Variants in TTC39B observed in about 807,000 individuals in gnomAD.
TTC39B encodes the protein tetratricopeptide repeat protein 39B.
A neutral mutation model predicts 96.6 loss-of-function variants in TTC39B; 92 were observed. That is an observed-to-expected ratio of 0.95 (90% confidence interval 0.80 to 1.13). The LOEUF (loss-of-function observed/expected upper bound fraction) is 1.13, where lower values mean the gene tolerates loss of function less well. Among genes scored for constraint, TTC39B ranks in the 50% most tolerant of loss-of-function variants. The probability of loss-of-function intolerance (pLI) is 0.00; values close to 1 mark genes in which losing one functional copy is unlikely to be tolerated. For synonymous variants in TTC39B, 367 were observed against 299.4 expected (o/e 1.23, Z -2.33); for missense variants, 955 against 809.3 (o/e 1.18, Z -2.18).
intron 1 of TTC39B, among the ~76,000 whole-genome samples, chr9:15,296,196 G>A (rs545885246): frequency 2.0e-5 from 3 of 152,292 alleles, no homozygotes; most frequent in East Asian, 1.9e-4. Flanking sequence ...CACGAGCACC[G>A]TGGCTCAAGT....
At chr9:15,287,507 T>C (rs1563790407) in intron 1 of TTC39B, among the ~76,000 whole-genome samples, 1 of 152,166 alleles carries the variant, frequency 6.6e-6, no homozygotes, top group Non-Finnish European at 1.5e-5. Flanking sequence ...TGTCCCTCTG[T>C]CTTAAAATGT....
At chr9:15,282,167 C>T (rs1823791989) in intron 1 of TTC39B, among the ~76,000 whole-genome samples, 1 of 152,152 alleles carries the variant, frequency 6.6e-6, no homozygotes, top group Non-Finnish European at 1.5e-5. Flanking sequence ...AACATAGACA[C>T]TTACTCAAAA....
intron 2 of TTC39B, among the ~76,000 whole-genome samples, chr9:15,235,048 AAAAACAAAAC>A (rs140204726): frequency 3.3e-5 from 5 of 151,172 alleles, no homozygotes; most frequent in Non-Finnish European, 5.9e-5. Context: ...TAAATAAAAC[AAAAACAAAAC>A]AAAACAAAAC....
intron 13 of TTC39B, among the ~76,000 whole-genome samples, chr9:15,189,038 T>C (rs183568421): frequency 2.7e-4 from 41 of 152,200 alleles, no homozygotes; most frequent in Middle Eastern, 3.4e-3. Context: ...CAAGACATAT[T>C]GTAAACAGTG....
chr9:15,202,437 C>G (rs1278399635), intron 7 of TTC39B, among the ~76,000 whole-genome samples: 1 of 152,062 alleles, frequency 6.6e-6, no homozygotes, highest in Non-Finnish European at 1.5e-5. Flanking sequence ...TGTGGCTGGG[C>G]GCAGTGGCTC....
intron 2 of TTC39B, among the ~76,000 whole-genome samples, chr9:15,246,213 A>C (rs186130790): frequency 6.6e-6 from 1 of 152,328 alleles, no homozygotes; most frequent in African/African-American, 2.4e-5. Flanking sequence ...AGATCACGCC[A>C]TTGCACTCCA....
At chr9:15,234,631 G>A (rs113876366) in intron 2 of TTC39B, among the ~76,000 whole-genome samples, 20 of 152,220 alleles carry the variant, frequency 1.3e-4, no homozygotes, top group African/African-American at 4.1e-4. Flanking sequence ...GATGGTTGCC[G>A]TGTCTGTGTA....
At chr9:15,275,679 T>TG (rs1411870322) in intron 1 of TTC39B, among the ~76,000 whole-genome samples, 4 of 152,080 alleles carry the variant, frequency 2.6e-5, no homozygotes, top group African/African-American at 9.6e-5. Flanking sequence ...AGGAGCTTGG[T>TG]GGGGAAGGAA....
At chr9:15,251,731 A>ATATATATATATATATATGTATG (rs1563764609) in intron 2 of TTC39B, among the ~76,000 whole-genome samples, 3 of 126,964 alleles carry the variant, frequency 2.4e-5, no homozygotes, top group African/African-American at 6.4e-5. Flanking sequence ...ATATATATAT[A>ATATATATATATATATATGTATG]TATATGTAGT....
intron 3 of TTC39B, among the ~76,000 whole-genome samples, chr9:15,218,632 T>TAAAAAAATATATA (rs545882970): frequency 9.5e-6 from 1 of 105,152 alleles, no homozygotes; most frequent in African/African-American, 3.6e-5. Flanking sequence ...TTAGTCTATT[T>TAAAAAAATATATA]TAAATATATA....
rs200310557 is a variant in TTC39B at position 15,212,380 on chromosome 9, C to CAAAA, written c.483-987_483-984dup. Among the ~76,000 whole-genome samples, 75 of 105,648 alleles carry CAAAA rather than the reference C, an allele frequency of 7.1e-4. 1 individual carries two copies. The highest frequency in any genetic ancestry group is 6.1e-3 in the South Asian group (20 of 3,262). 69.3% of individuals were successfully genotyped at this position (105,648 alleles called of 152,430 possible). The stretch of plus-strand genomic sequence containing the variant: ...TTTAACTGAAAGCTCTTTCAAGAAG[C>CAAAA]AAAAAAAAAAAAAAAAATGATTCAA... On this transcript the variant is annotated intron_variant, in intron 4 of 19. Coordinates refer to ENST00000512701, the Ensembl canonical transcript of TTC39B.
At chr9:15,181,292 C>T (rs1818236050) in intron 17 of TTC39B, among the ~76,000 whole-genome samples, 2 of 152,088 alleles carry the variant, frequency 1.3e-5, no homozygotes, top group Admixed American at 1.3e-4. Context: ...TTTCATTTTA[C>T]TTATGTGGTT....
At chr9:15,246,178 G>A (rs1822265898) in intron 2 of TTC39B, among the ~76,000 whole-genome samples, 1 of 152,164 alleles carries the variant, frequency 6.6e-6, no homozygotes, top group Non-Finnish European at 1.5e-5. Context: ...GCTTGAACCT[G>A]GGAGGCAGAG....
intron 1 of TTC39B, among the ~76,000 whole-genome samples, chr9:15,293,741 G>A (rs1461949927): frequency 6.6e-6 from 1 of 152,232 alleles, no homozygotes; most frequent in Non-Finnish European, 1.5e-5. Context: ...CATATTTTAA[G>A]TTTGGCCTAA....
intron 16 of TTC39B, among the ~76,000 whole-genome samples, chr9:15,184,144 TCCA>T (rs1170769671): frequency 3.9e-5 from 6 of 152,132 alleles, no homozygotes; most frequent in African/African-American, 1.4e-4. Flanking sequence ...GAAAAGATGC[TCCA>T]CCACATCCAC....
At chr9:15,284,665 C>T (rs1823890807) in intron 1 of TTC39B, among the ~76,000 whole-genome samples, 1 of 152,084 alleles carries the variant, frequency 6.6e-6, no homozygotes. Flanking sequence ...TTAACAAAAG[C>T]CAGATTTGCA....
chr9:15,217,938 G>T (rs183078551), intron 3 of TTC39B, among the ~76,000 whole-genome samples: 50 of 152,080 alleles, frequency 3.3e-4, no homozygotes, highest in Non-Finnish European at 6.2e-4. Flanking sequence ...AGCCAGGTGC[G>T]GTGGCTCACG....
At chr9:15,291,432 G>T (rs946630464) in intron 1 of TTC39B, among the ~76,000 whole-genome samples, 1 of 152,196 alleles carries the variant, frequency 6.6e-6, no homozygotes, top group Non-Finnish European at 1.5e-5. Context: ...CTGCGATGAT[G>T]GTGAGGCCTC....
rs148211136 is a variant in TTC39B, at chr9:15,243,647, C to A, written c.276-17635G>T. Reference sequence around the variant, plus strand: ...AAAGCAGGCTGGGTACAGTGCCTCACACCTGTAATCCCAGTGTTTTGGGAG... The same window carrying A: ...AAAGCAGGCTGGGTACAGTGCCTCAAACCTGTAATCCCAGTGTTTTGGGAG... On this transcript the variant is annotated intron_variant, in intron 2 of 19. Transcript: ENST00000512701. Among the ~76,000 whole-genome samples, 790 of 152,320 alleles carry A rather than the reference C, an allele frequency of 5.2e-3. 8 individuals are homozygous for A. Among genetic ancestry groups the A allele is most frequent in the African/African-American group, 0.019 (773 of 41,576 alleles).
Sources: allele counts gnomAD v4.1 joint callset (sites outside exome capture counted in the v4.1 genomes callset), GRCh38; gene constraint gnomAD v4.1.1; transcripts MANE v1.5; gene names NCBI Gene and HGNC (gene_info 2026-07-23, HGNC 2026-07-21).